ARHGAP29: variants seen among roughly 807,000 people sequenced by gnomAD.
The protein encoded by ARHGAP29 is Rho GTPase activating protein 29, also known as rho GTPase-activating protein 29.
Under a neutral mutation model 122.6 loss-of-function variants are expected in ARHGAP29, and 43 were observed. That is an observed-to-expected ratio of 0.35 (90% CI 0.27 to 0.45). ARHGAP29 has a LOEUF of 0.45. ARHGAP29 is among the 20% of genes least tolerant of loss of function. The pLI is 1.00. For missense variants in ARHGAP29, 1,303 were observed against 1,477.2 expected, an observed-to-expected ratio of 0.88 and a Z score of 1.93; for synonymous variants, 506 against 497.1, an observed-to-expected ratio of 1.02 and a Z score of -0.24.
the ARHGAP29 span, among the ~76,000 whole-genome samples, chr1:94,292,638 G>T: frequency 2.0e-5 from 3 of 152,106 alleles, no homozygotes; most frequent in African/African-American, 7.2e-5. Context: ...ATGAGGTTTT[G>T]GTGTGGATGT....
chr1:94,238,998 G>A (rs758776455), upstream of ARHGAP29, among the ~76,000 whole-genome samples: 1 of 152,120 alleles, frequency 6.6e-6, no homozygotes, highest in East Asian at 1.9e-4. Flanking sequence ...GGTTACTTTG[G>A]CACCATACTG....
At chr1:94,206,885 ACT>A (rs1472154250) in intron 5 of ARHGAP29, among the ~76,000 whole-genome samples, 1 of 150,334 alleles carries the variant, frequency 6.7e-6, no homozygotes, top group East Asian at 1.9e-4. Flanking sequence ...AGGAGTTCTC[ACT>A]CTGTCTCAAA....
chr1:94,264,330 G>A (rs1052244374), intron 1 of ARHGAP29, among the ~76,000 whole-genome samples: 19 of 151,994 alleles, frequency 1.3e-4, no homozygotes, highest in Non-Finnish European at 2.5e-4. Context: ...ATTGTTCATG[G>A]TTGGTGCTCA....
At chr1:94,303,936 C>T in the ARHGAP29 span, among the ~76,000 whole-genome samples, 1 of 152,216 alleles carries the variant, frequency 6.6e-6, no homozygotes, top group Non-Finnish European at 1.5e-5. Flanking sequence ...TGTTAAGCTT[C>T]TGCCTAACAA....
intron 2 of ARHGAP29, among the ~76,000 whole-genome samples, chr1:94,224,245 A>G (rs567171427): frequency 6.6e-6 from 1 of 152,356 alleles, no homozygotes; most frequent in African/African-American, 2.4e-5. Flanking sequence ...TGGAGTGATT[A>G]TCATCACAGA....
chr1:94,237,750 G>A, upstream of ARHGAP29: 2 of 985,116 alleles, frequency 2.0e-6, no homozygotes, highest in Non-Finnish European at 2.4e-6. Context: ...CGTCAGTTGC[G>A]CGCGGCCGGA....
intron 2 of ARHGAP29, among the ~76,000 whole-genome samples, chr1:94,229,597 T>C (rs918531953): frequency 6.6e-6 from 1 of 151,792 alleles, no homozygotes; most frequent in Non-Finnish European, 1.5e-5. Context: ...AGTTTATCTA[T>C]TTTGTAATTA....
At chr1:94,211,687 C>T (rs1369328137) in intron 3 of ARHGAP29, among the ~76,000 whole-genome samples, 1 of 152,178 alleles carries the variant, frequency 6.6e-6, no homozygotes, top group Non-Finnish European at 1.5e-5. Context: ...TCAGAAACAA[C>T]AGAAGGATCT....
At chr1:94,246,581 A>C (rs1205151959) in intron 1 of ARHGAP29, among the ~76,000 whole-genome samples, 1 of 152,172 alleles carries the variant, frequency 6.6e-6, no homozygotes, top group Non-Finnish European at 1.5e-5. Context: ...ATCCAAAAAA[A>C]ACAATGTGGA....
chr1:94,275,630 C>G (rs1655154667), upstream of ARHGAP29, among the ~76,000 whole-genome samples: 1 of 152,076 alleles, frequency 6.6e-6, no homozygotes, highest in Admixed American at 6.5e-5. Context: ...GGTTGGCAGT[C>G]TTCTTAGCCC....
intron 12 of ARHGAP29, among the ~76,000 whole-genome samples, chr1:94,199,562 T>C (rs973995883): frequency 6.6e-6 from 1 of 152,198 alleles, no homozygotes; most frequent in Admixed American, 6.5e-5. Flanking sequence ...GTCTCAAGTC[T>C]ATAGATCCAG....
the ARHGAP29 span, among the ~76,000 whole-genome samples, chr1:94,307,373 T>C: frequency 3.9e-5 from 6 of 152,338 alleles, no homozygotes; most frequent in East Asian, 9.6e-4. Flanking sequence ...AATATGTAAC[T>C]TTGAATAATA....
intron 1 of ARHGAP29, among the ~76,000 whole-genome samples, chr1:94,268,142 T>A (rs993632468): frequency 6.6e-6 from 1 of 152,214 alleles, no homozygotes; most frequent in Non-Finnish European, 1.5e-5. Context: ...ATTTAGATAT[T>A]CATTTTGAAT....
chr1:94,311,551 G>A, the ARHGAP29 span, among the ~76,000 whole-genome samples: 1 of 152,092 alleles, frequency 6.6e-6, no homozygotes, highest in Non-Finnish European at 1.5e-5. Flanking sequence ...AGAGAAAAAT[G>A]GGGTCTGGAG....
intron 2 of ARHGAP29, among the ~76,000 whole-genome samples, chr1:94,221,094 G>A (rs562352895): frequency 1.3e-5 from 2 of 152,178 alleles, no homozygotes; most frequent in South Asian, 2.1e-4. Flanking sequence ...AGGTCAGAGC[G>A]ATGCAGTTTT....
intron 3 of ARHGAP29, among the ~76,000 whole-genome samples, chr1:94,216,423 G>A (rs990316792): frequency 3.3e-5 from 5 of 152,118 alleles, no homozygotes; most frequent in African/African-American, 9.7e-5. Context: ...GAACACATCC[G>A]TGTATTTGCT....
intron 3 of ARHGAP29, among the ~76,000 whole-genome samples, chr1:94,212,050 G>A (rs892367500): frequency 5.9e-5 from 9 of 152,130 alleles, no homozygotes; most frequent in Non-Finnish European, 8.8e-5. Context: ...AGACCGAGGC[G>A]GGAGGATCAC....
At position 94,209,358 on chromosome 1, in the gene ARHGAP29, G is replaced by T; in HGVS notation, c.341-8C>A. The T allele has an allele frequency of 6.3e-7, 1 of 1,582,292 alleles. No homozygotes were observed. Among genetic ancestry groups the T allele is most frequent in the South Asian group, 1.1e-5 (1 of 87,112 alleles). On this transcript the variant is annotated splice_polypyrimidine_tract_variant and splice_region_variant and intron_variant, in intron 3 of 22. Transcript: ENST00000260526. ...CTTCTGTGAAGTTCACAGCTGTAAG[G>T]AAAAGTTGGTTACAATAAGGAAAAA...
chr1:94,204,941 T>G, intron 7 of ARHGAP29, 120 bp downstream of exon 7: 1 of 1,003,380 alleles, frequency 1.0e-6, no homozygotes. Flanking sequence ...GATAATGGTT[T>G]TATTCATTAT....
Sources: gnomAD v4.1 joint callset for allele counts (sites outside exome capture counted in the v4.1 genomes callset) on GRCh38, gnomAD v4.1.1 for gene constraint, MANE v1.5 for transcripts, NCBI Gene and HGNC (gene_info 2026-07-23, HGNC 2026-07-21) for gene names.